The following RAPGEF6 variants were observed in gnomAD, a reference collection of about 807,000 sequenced individuals.
The protein encoded by RAPGEF6 is Rap guanine nucleotide exchange factor 6.
Under a neutral mutation model 171.4 loss-of-function variants are expected in RAPGEF6, and 56 were observed. The ratio of observed to expected loss-of-function variants is 0.33; its 90% CI spans 0.26 to 0.41. The LOEUF (loss-of-function observed/expected upper bound fraction) is 0.41. Among genes scored for constraint, RAPGEF6 ranks in the 10% least tolerant of loss-of-function variants. RAPGEF6 has a pLI of 1.00. For missense variants in RAPGEF6, 1,674 were observed against 1,921.4 expected (o/e 0.87, Z 2.41); for synonymous variants, 692 against 650.1 (o/e 1.06, Z -0.98).
chr5:131,581,312 C>G (rs1352395436), intron 4 of RAPGEF6, among the ~76,000 whole-genome samples: 2 of 152,182 alleles, frequency 1.3e-5, no homozygotes, highest in African/African-American at 2.4e-5. Context: ...AATCAGGCAA[C>G]TAATTACACT....
intron 13 of RAPGEF6, among the ~76,000 whole-genome samples, chr5:131,494,305 C>G (rs1756481761): frequency 6.6e-6 from 1 of 152,178 alleles, no homozygotes; most frequent in Non-Finnish European, 1.5e-5. Context: ...AGGAGGCAAC[C>G]AAGTCACAGC....
intron 4 of RAPGEF6, among the ~76,000 whole-genome samples, chr5:131,582,583 GA>G (rs1171729792): frequency 6.6e-6 from 1 of 151,938 alleles, no homozygotes; most frequent in Non-Finnish European, 1.5e-5. Context: ...TCCATTCAGG[GA>G]AAAAAATGAT....
chr5:131,627,282 GA>G (rs1765993470), intron 1 of RAPGEF6, among the ~76,000 whole-genome samples: 1 of 152,142 alleles, frequency 6.6e-6, no homozygotes, highest in Non-Finnish European at 1.5e-5. Context: ...AAATTTAGGG[GA>G]TAAGTTGGAA....
chr5:131,560,039 C>T (rs1761496623), intron 5 of RAPGEF6, among the ~76,000 whole-genome samples: 1 of 151,942 alleles, frequency 6.6e-6, no homozygotes, highest in Non-Finnish European at 1.5e-5. Context: ...AAAAATTTCA[C>T]CTATTTTGGA....
chr5:131,445,826 C>A (rs2149816286), intron 22 of RAPGEF6, among the ~76,000 whole-genome samples: 1 of 152,200 alleles, frequency 6.6e-6, no homozygotes, highest in South Asian at 2.1e-4. Context: ...GTGTGACCCA[C>A]CACGCCTGGC....
intron 3 of RAPGEF6, among the ~76,000 whole-genome samples, chr5:131,602,302 C>T (rs1212642521): frequency 1.3e-5 from 2 of 152,172 alleles, no homozygotes; most frequent in African/African-American, 2.4e-5. Context: ...TGTTACTCTA[C>T]TGAATACTGC....
At chr5:131,451,160 T>TGCTTA (rs1385990873) in intron 21 of RAPGEF6, among the ~76,000 whole-genome samples, 1 of 152,212 alleles carries the variant, frequency 6.6e-6, no homozygotes, top group Non-Finnish European at 1.5e-5. Context: ...CATCATTCAT[T>TGCTTA]ACATGTAGTG....
chr5:131,464,392 C>T, intron 17 of RAPGEF6, 111 bp from the exon 18 acceptor site: 1 of 764,450 alleles, frequency 1.3e-6, no homozygotes, highest in Non-Finnish European at 2.2e-6. Context: ...ATATACATTT[C>T]TATTTCACAA....
At position 131,610,050 on chromosome 5, in the gene RAPGEF6, G is replaced by A. The variant is rs192136716; in HGVS notation, c.70-5357C>T. ...TTATAAAGGCATAGCTGAACTTTCA[G>A]CTTAAAGGCAATAATGTGAAATAAT... On this transcript the variant is annotated intron_variant, in intron 1 of 27. Coordinates refer to ENST00000509018, the MANE Select transcript of RAPGEF6 (RefSeq NM_016340.6). 1.4e-4 allele frequency among the ~76,000 whole-genome samples: 22 copies of A among 152,296 alleles called. No homozygotes were observed. The East Asian group carries it at 4.2e-3, about 29-fold the overall frequency.
intron 4 of RAPGEF6, among the ~76,000 whole-genome samples, chr5:131,575,492 C>T (rs942945005): frequency 6.6e-6 from 1 of 152,314 alleles, no homozygotes; most frequent in Non-Finnish European, 1.5e-5. Flanking sequence ...CAAGTGCTCT[C>T]CCTGCTGTGT....
chr5:131,558,421 T>C (rs1299930061), intron 5 of RAPGEF6, among the ~76,000 whole-genome samples: 1 of 152,164 alleles, frequency 6.6e-6, no homozygotes, highest in Non-Finnish European at 1.5e-5. Flanking sequence ...TAGTCTTTTC[T>C]GAGACTCAAC....
At chr5:131,509,923 C>G (rs1443878460) in intron 8 of RAPGEF6, among the ~76,000 whole-genome samples, 1 of 152,186 alleles carries the variant, frequency 6.6e-6, no homozygotes, top group Non-Finnish European at 1.5e-5. Flanking sequence ...TTGCCTTATT[C>G]TCCTTTGGAT....
intron 14 of RAPGEF6, among the ~76,000 whole-genome samples, chr5:131,491,195 T>G (rs1167156911): frequency 6.6e-6 from 1 of 152,184 alleles, no homozygotes; most frequent in Admixed American, 6.5e-5. Context: ...AACTCTATTG[T>G]GGAAGCTGTC....
At chr5:131,442,281 T>C in intron 23 of RAPGEF6, 68 bp downstream of exon 23, 1 of 1,411,836 alleles carries the variant, frequency 7.1e-7, no homozygotes, top group Non-Finnish European at 9.6e-7. Flanking sequence ...ACATCTGTAA[T>C]TATTTTTCAC....
intron 26 of RAPGEF6, 148 bp downstream of exon 26, chr5:131,430,711 T>C (rs754312090): frequency 8.7e-7 from 1 of 1,143,020 alleles, no homozygotes; most frequent in South Asian, 1.3e-5. Context: ...CCATGAATTT[T>C]TGGGAAATAA....
At chr5:131,626,716 C>A (rs1765952973) in intron 1 of RAPGEF6, among the ~76,000 whole-genome samples, 1 of 151,950 alleles carries the variant, frequency 6.6e-6, no homozygotes, top group African/African-American at 2.4e-5. Flanking sequence ...CTCTCTACAA[C>A]CTTGGTTTTT....
At chr5:131,528,338 T>TATACACACACACACAC (rs1180347219) in intron 6 of RAPGEF6, among the ~76,000 whole-genome samples, 1 of 26,290 alleles carries the variant, frequency 3.8e-5, no homozygotes, top group African/African-American at 6.0e-5. Context: ...TATATATATA[T>TATACACACACACACAC]ACACACACAC....
intron 12 of RAPGEF6, 137 bp from the exon 13 acceptor site, chr5:131,495,797 C>T (rs916257311): frequency 1.5e-6 from 2 of 1,312,758 alleles, no homozygotes; most frequent in African/African-American, 3.0e-5. Context: ...AAGGCTCATT[C>T]TAACAGAAAG....
intron 15 of RAPGEF6, 98 bp downstream of exon 15, chr5:131,489,448 A>C (rs1756135236): frequency 4.3e-6 from 3 of 699,494 alleles, no homozygotes; most frequent in Non-Finnish European, 7.3e-6. Context: ...TTAGACAAAA[A>C]CATGTTTATA....
Sources: allele counts gnomAD v4.1 joint callset (sites outside exome capture counted in the v4.1 genomes callset), GRCh38; gene constraint gnomAD v4.1.1; transcripts MANE v1.5; gene names NCBI Gene and HGNC (gene_info 2026-07-23, HGNC 2026-07-21).